DCLK3: variants seen among roughly 807,000 people sequenced by gnomAD.
The protein encoded by DCLK3 is doublecortin like kinase 3.
A neutral mutation model predicts 46.4 loss-of-function variants in DCLK3; 30 were observed. That is an observed-to-expected ratio of 0.65 (90% CI 0.48 to 0.88). The LOEUF (loss-of-function observed/expected upper bound fraction) is 0.88, where lower values mean the gene tolerates loss of function less well. DCLK3 is among the 40% of genes least tolerant of loss of function. DCLK3 has a pLI of 0.00. For missense variants in DCLK3, 846 were observed against 907.1 expected (o/e 0.93, Z 0.87); for synonymous variants, 401 against 339.2 (o/e 1.18, Z -2.00).
At chr3:36,716,773 C>T (rs1443256887) in intron 4 of DCLK3, among the ~76,000 whole-genome samples, 1 of 152,222 alleles carries the variant, frequency 6.6e-6, no homozygotes, top group Non-Finnish European at 1.5e-5. Flanking sequence ...TCCCCTAGGC[C>T]CCATACTCTC....
At position 36,718,076 on chromosome 3, in the gene DCLK3, G is replaced by A; in HGVS notation, c.2194C>T (p.Leu732Phe). 2 of 1,614,178 alleles carry A rather than the reference G, an allele frequency of 1.2e-6. No individual in the cohort carries two copies. Residue 732 changes from leucine to phenylalanine, a missense_variant, in exon 4 of 5, where the codon CTC (leucine) becomes TTC (phenylalanine). By Grantham distance (22) the Leu-to-Phe change is conservative (BLOSUM62 0). Transcript: ENST00000636136. Reference sequence around the variant, plus strand: ...TGGCCCAGCTGGATGATGTTAAAGAGCTCGTCCTGGTCCCTCTCAGGGCTG... The same window carrying A: ...TGGCCCAGCTGGATGATGTTAAAGAACTCGTCCTGGTCCCTCTCAGGGCTG... ...FRSPERDQDE[L>F]FNIIQLGHFE...
intron 1 of DCLK3, among the ~76,000 whole-genome samples, chr3:36,756,912 C>T (rs1559395296): frequency 6.6e-6 from 1 of 151,266 alleles, no homozygotes; most frequent in Non-Finnish European, 1.5e-5. Context: ...AGAGGCCCTC[C>T]AGGGGAGGCT....
At position 36,713,249 on chromosome 3, in the gene DCLK3, C is replaced by T. The variant is rs1700932842; in HGVS notation, c.*2079G>A. 3 of 151,500 alleles carry T rather than the reference C, an allele frequency of 2.0e-5. No homozygotes were observed. The highest frequency in any genetic ancestry group is 2.0e-4 in the Admixed American group (3 of 15,222). The allele number at this position is 151,500 out of a possible 1,614,324, so 9.4% of individuals were successfully genotyped here. A position where few individuals can be genotyped will look rare whatever the true frequency, so the allele number is the denominator to read the frequency against. On this transcript the variant is annotated 3_prime_UTR_variant, in exon 5 of 5. Transcript: ENST00000636136. Reference sequence around the variant, plus strand: ...GAAGACTGAATCTATACAAGAGATCCAAAGGTATAGGAGAAAAAAAAACCA... The same window carrying T: ...GAAGACTGAATCTATACAAGAGATCTAAAGGTATAGGAGAAAAAAAAACCA...
chr3:36,739,505 T>C (rs1162288736), intron 1 of DCLK3, among the ~76,000 whole-genome samples: 1 of 152,180 alleles, frequency 6.6e-6, no homozygotes, highest in Non-Finnish European at 1.5e-5. Flanking sequence ...ATAAATCTCA[T>C]AAGATCTGAT....
intron 1 of DCLK3, among the ~76,000 whole-genome samples, chr3:36,752,204 G>A (rs1343621815): frequency 6.6e-6 from 1 of 152,218 alleles, no homozygotes; most frequent in Non-Finnish European, 1.5e-5. Flanking sequence ...TGATGGACAG[G>A]GGTGTGGGGA....
Position 36,734,721 on chromosome 3 carries a change from G to GTC in DCLK3, c.1959+2485_1959+2486dup, listed in dbSNP as rs147153084. ...CTTCTCTCCCTCTCTTTCTCTCTCT[G>GTC]TCTCTCTCTCTCTCTCACACACACA... On this transcript the variant is annotated intron_variant, in intron 2 of 4. Transcript: ENST00000636136. 3.5e-3 allele frequency among the ~76,000 whole-genome samples: 534 copies of GTC among 150,498 alleles called. 2 individuals are homozygous for GTC. Among genetic ancestry groups the GTC allele is most frequent in the Non-Finnish European group, 5.7e-3 (388 of 67,500 alleles).
intron 2 of DCLK3, among the ~76,000 whole-genome samples, chr3:36,735,212 C>CA (rs1454462068): frequency 1.3e-5 from 2 of 152,186 alleles, no homozygotes; most frequent in African/African-American, 2.4e-5. Flanking sequence ...TGCTCTGTTG[C>CA]AATTGCAAAG....
intron 3 of DCLK3, among the ~76,000 whole-genome samples, chr3:36,721,280 AAC>A (rs3034440): frequency 0.57 from 86,276 of 150,112 alleles, 25,104 homozygotes; most frequent in Non-Finnish European, 0.64. Context: ...AAACACAATA[AAC>A]ACACACACAC....
intron 1 of DCLK3, among the ~76,000 whole-genome samples, chr3:36,739,553 T>C (rs1701321892): frequency 6.6e-6 from 1 of 152,222 alleles, no homozygotes; most frequent in African/African-American, 2.4e-5. Context: ...ATCTTCCTCA[T>C]TCTCTCTTTG....
chr3:36,741,151 G>A (rs142168621), intron 1 of DCLK3, among the ~76,000 whole-genome samples: 174 of 152,304 alleles, frequency 1.1e-3, no homozygotes, highest in African/African-American at 3.9e-3. Flanking sequence ...GATAGCTGAT[G>A]TTGAGAGAAA....
intron 1 of DCLK3, among the ~76,000 whole-genome samples, chr3:36,746,818 C>G (rs1338281741): frequency 6.6e-6 from 1 of 152,190 alleles, no homozygotes; most frequent in Non-Finnish European, 1.5e-5. Context: ...CTCAAATGTT[C>G]ATGTGCACAC....
At chr3:36,755,197 T>C (rs1414542548) in intron 1 of DCLK3, among the ~76,000 whole-genome samples, 2 of 152,204 alleles carry the variant, frequency 1.3e-5, no homozygotes, top group East Asian at 1.9e-4. Context: ...AAAAGCCTAA[T>C]AGACATATCA....
intron 4 of DCLK3, among the ~76,000 whole-genome samples, chr3:36,717,196 G>T (rs1575133730): frequency 6.6e-6 from 1 of 152,144 alleles, no homozygotes; most frequent in Non-Finnish European, 1.5e-5. Flanking sequence ...GCTCACTGCA[G>T]CCTCAAACTC....
In DCLK3 at chr3:36,737,368, A is replaced by G; in HGVS notation, c.1799T>C (p.Leu600Pro). 1 of 1,614,208 alleles carries G rather than the reference A, an allele frequency of 6.2e-7. No homozygotes were observed. The highest frequency in any genetic ancestry group is 8.5e-7 in the Non-Finnish European group (1 of 1,180,034). ...YETDMEIYLILEYVQGGDLFD... is the reference protein window; with the variant it reads ...YETDMEIYLIPEYVQGGDLFD... ...AAGGTCTCCTCCCTGCACGTACTCCAGGATCAGGTAGATTTCCATGTCTGT... is the reference window on the plus strand; with the variant it reads ...AAGGTCTCCTCCCTGCACGTACTCCGGGATCAGGTAGATTTCCATGTCTGT... The change falls in exon 2 of 5, where the codon CTG becomes CCG. Residue 600 changes from leucine (L) to proline (P), a missense_variant. Leu to Pro is a moderately conservative substitution (Grantham distance 98). Coordinates refer to ENST00000636136, the MANE Select transcript of DCLK3 (RefSeq NM_001394672.2). This position sits in a 1 kb window ranked among gnomAD's most constrained non-coding sequence, Gnocchi z 4.4.
chr3:36,714,371 T>C lies in DCLK3; in HGVS notation c.*957A>G. 1 of 152,196 alleles carries C rather than the reference T, an allele frequency of 6.6e-6. No individual in the cohort carries two copies. The highest frequency in any genetic ancestry group is 1.9e-4 in the East Asian group (1 of 5,200). 9.4% of individuals were successfully genotyped at this position (152,196 alleles called of 1,614,324 possible). On this transcript the variant is annotated 3_prime_UTR_variant, in exon 5 of 5. Coordinates refer to ENST00000636136, the MANE Select transcript of DCLK3 (RefSeq NM_001394672.2). ...TCAATTTGGGAAATATTAGGATATG[T>C]CTTGCTGTCAGCTCACACAGACTCC...
rs531269600 is a variant in DCLK3 at position 36,748,212 on chromosome 3, TGC to T, written c.83-9130_83-9129del. On this transcript the variant is annotated intron_variant, in intron 1 of 4. Coordinates refer to ENST00000636136, the MANE Select transcript of DCLK3 (RefSeq NM_001394672.2). ...GGTGAATGGGGAAGGAGGTGTTTTG[TGC>T]ACAGGCATTTGCAGCTCCCAAGGAG... 1.6e-3 allele frequency among the ~76,000 whole-genome samples: 240 copies of T among 151,968 alleles called. 1 individual carries two copies. Among genetic ancestry groups the T allele is most frequent in the Non-Finnish European group, 2.6e-3 (179 of 68,030 alleles).
chr3:36,716,399 C>A (rs1200495526), intron 4 of DCLK3, among the ~76,000 whole-genome samples: 1 of 152,210 alleles, frequency 6.6e-6, no homozygotes, highest in African/African-American at 2.4e-5. Context: ...GCACAGAAGG[C>A]CCAGATTCCT....
At position 36,738,069 on chromosome 3, in the gene DCLK3, C is replaced by T. The variant is rs770054104; in HGVS notation, c.1098G>A (p.Gly366=). 1.2e-6 allele frequency: 2 copies of T among 1,613,704 alleles called. No homozygotes were observed. The highest frequency in any genetic ancestry group is 1.7e-6 in the Non-Finnish European group (2 of 1,179,830). The change falls in exon 2 of 5, where the codon GGG becomes GGA. Residue 366 remains glycine, a synonymous_variant. Transcript: ENST00000636136. ...PEANPASGEE[G]WKGDSHRSSP... ...TGCTCCTGTGGCTGTCACCCTTCCA[C>T]CCTTCCTCCCCACTTGCAGGATTTG... is the stretch of plus-strand genomic sequence containing the variant.
At chr3:36,729,258 G>T (rs985168321) in intron 2 of DCLK3, among the ~76,000 whole-genome samples, 4 of 146,806 alleles carry the variant, frequency 2.7e-5, no homozygotes, top group Non-Finnish European at 4.6e-5. Context: ...TGGGGGGGGG[G>T]GGTACAAAAG....
Sources: allele counts gnomAD v4.1 joint callset (sites outside exome capture counted in the v4.1 genomes callset), GRCh38; gene constraint gnomAD v4.1.1; non-coding constraint Gnocchi (gnomAD v3.1); transcripts MANE v1.5; gene names NCBI Gene and HGNC (gene_info 2026-07-23, HGNC 2026-07-21).